API5: variants seen among roughly 807,000 people sequenced by gnomAD.
API5 encodes the protein apoptosis inhibitor 5, also known as FIF.
In API5, 6 loss-of-function variants were observed where a neutral mutation model predicts 71.9. That is an observed-to-expected ratio of 0.08 (90% CI 0.05 to 0.16). The LOEUF (loss-of-function observed/expected upper bound fraction) is 0.16. Among genes scored for constraint, API5 ranks in the 10% least tolerant of loss-of-function variants. The pLI is 1.00. For missense variants in API5, 332 were observed against 612.8 expected (o/e 0.54, Z 4.84); for synonymous variants, 189 against 221.3 (o/e 0.85, Z 1.30).
intron 1 of API5, 153 bp from the exon 2 acceptor site, chr11:43,318,487 G>T: frequency 6.5e-7 from 1 of 1,537,946 alleles, no homozygotes; most frequent in South Asian, 1.2e-5. Flanking sequence ...GGGAAGGTAA[G>T]TGTCAGTTTG....
intron 11 of API5, among the ~76,000 whole-genome samples, chr11:43,331,744 A>G (rs1855265115): frequency 6.6e-6 from 1 of 152,168 alleles, no homozygotes; most frequent in African/African-American, 2.4e-5. Flanking sequence ...CAGAAGAGAG[A>G]GGGAAGCATT....
rs1182087387 is a variant in API5, at chr11:43,342,907, A to G, written c.*397A>G. 1.0e-5 allele frequency: 5 copies of G among 479,556 alleles called. No individual in the cohort carries two copies. Among genetic ancestry groups the G allele is most frequent in the African/African-American group, 9.8e-5 (5 of 50,866 alleles). The allele number at this position is 479,556 out of a possible 1,614,324, so 29.7% of individuals were successfully genotyped here. ...TTTTCCTCTTCCCTCTTAGTTTTTT[A>G]CCCAATATATGGAGAAGAGTAATGG... is the stretch of plus-strand genomic sequence containing the variant. On this transcript the variant is annotated 3_prime_UTR_variant, in exon 14 of 14. Transcript: ENST00000531273.
chr11:43,340,477 C>T (rs923761990), intron 13 of API5, among the ~76,000 whole-genome samples: 7 of 152,018 alleles, frequency 4.6e-5, no homozygotes, highest in Non-Finnish European at 7.4e-5. Flanking sequence ...ATAGCCAAAG[C>T]AATACTGAGC....
At chr11:43,328,297 C>T (rs1000154251) in intron 8 of API5, among the ~76,000 whole-genome samples, 3 of 152,168 alleles carry the variant, frequency 2.0e-5, no homozygotes, top group African/African-American at 7.2e-5. Flanking sequence ...ACAATATGGA[C>T]TTACGTTCAG....
chr11:43,326,564 C>T lies in API5; in HGVS notation c.808C>T (p.Leu270Phe). 1 of 1,610,890 alleles carries T rather than the reference C, an allele frequency of 6.2e-7. No homozygotes were observed. Among genetic ancestry groups the T allele is most frequent in the Non-Finnish European group, 8.5e-7 (1 of 1,178,398 alleles). ...TTTCTGTGAGCAGGTTCTCCCTAAC[C>T]TCGGTACCTTGACTACCCCAGTGGA... Reference protein sequence around the residue: ...TYFCEQVLPNLGTLTTPVEGL... With the variant: ...TYFCEQVLPNFGTLTTPVEGL... Residue 270 changes from leucine to phenylalanine, a missense_variant, in exon 7 of 14, where the codon CTC (leucine) becomes TTC (phenylalanine). Transcript: ENST00000531273.
intron 13 of API5, among the ~76,000 whole-genome samples, chr11:43,336,411 A>T (rs867393339): frequency 2.0e-5 from 3 of 152,158 alleles, no homozygotes; most frequent in African/African-American, 4.8e-5. Context: ...TGCTGCCTAT[A>T]CTCCCATCTT....
chr11:43,337,390 G>A (rs544645204), intron 13 of API5, among the ~76,000 whole-genome samples: 2 of 152,224 alleles, frequency 1.3e-5, no homozygotes, highest in African/African-American at 4.8e-5. Context: ...CAAGGTGAGA[G>A]AATTGTAACA....
chr11:43,341,858 G>C (rs1380848617), intron 13 of API5, among the ~76,000 whole-genome samples: 1 of 152,058 alleles, frequency 6.6e-6, no homozygotes, highest in African/African-American at 2.4e-5. Context: ...GAAGAATTAA[G>C]TTTTTTAAAA....
chr11:43,332,109 G>A (rs756207406), intron 11 of API5: 2 of 152,220 alleles, frequency 1.3e-5, no homozygotes, highest in Non-Finnish European at 2.9e-5. Flanking sequence ...ATAGGGGAAA[G>A]AGAGATGAAT....
intron 1 of API5, among the ~76,000 whole-genome samples, chr11:43,313,202 T>C (rs1292047799): frequency 6.6e-6 from 1 of 151,914 alleles, no homozygotes; most frequent in African/African-American, 2.4e-5. Flanking sequence ...AGAGTGTGAG[T>C]GCGCAGCTCT....
chr11:43,318,481 AG>A, intron 1 of API5, 158 bp from the exon 2 acceptor site: 2 of 1,537,310 alleles, frequency 1.3e-6, no homozygotes, highest in East Asian at 2.4e-5. Context: ...GGAATTGGGA[AG>A]GTAAGTGTCA....
intron 13 of API5, among the ~76,000 whole-genome samples, chr11:43,341,969 G>A (rs899756310): frequency 1.3e-5 from 2 of 151,866 alleles, no homozygotes; most frequent in African/African-American, 2.4e-5. Flanking sequence ...GCAACAAAAT[G>A]AGGACCTGTC....
chr11:43,339,115 T>C (rs1234614673), intron 13 of API5: 2 of 152,124 alleles, frequency 1.3e-5, no homozygotes, highest in African/African-American at 4.8e-5. Context: ...TGTAAAAAAA[T>C]GTGTCATGGC....
intron 13 of API5, among the ~76,000 whole-genome samples, chr11:43,339,657 A>G (rs997127291): frequency 5.3e-5 from 8 of 152,176 alleles, no homozygotes; most frequent in Non-Finnish European, 8.8e-5. Context: ...ACATACACAC[A>G]TAGCACCTAT....
chr11:43,328,915 T>G (rs1416020439), intron 9 of API5, 22 bp downstream of exon 9: 1 of 1,612,586 alleles, frequency 6.2e-7, no homozygotes, highest in South Asian at 1.1e-5. Flanking sequence ...TTGAGGTGGC[T>G]CAATCCTTGG....
At chr11:43,331,117 C>A (rs1234974908) in intron 11 of API5, 1 of 152,652 alleles carries the variant, frequency 6.6e-6, no homozygotes, top group Non-Finnish European at 1.5e-5. Flanking sequence ...AGAGCAGTAG[C>A]CTGCCAGTAA....
Position 43,328,024 on chromosome 11 carries a change from T to C in API5, c.945+146T>C, listed in dbSNP as rs185700619. ...AGTATTGTTAGCTTCCTAGGCCACATGTTGTTGTCTACTTTGTTTTAATCT... is the reference window on the plus strand; with the variant it reads ...AGTATTGTTAGCTTCCTAGGCCACACGTTGTTGTCTACTTTGTTTTAATCT... On this transcript the variant is annotated intron_variant, in intron 8 of 13. Coordinates refer to ENST00000531273, the MANE Select transcript of API5 (RefSeq NM_001142930.2). The C allele has an allele frequency of 9.7e-5, 47 of 485,150 alleles. No individual in the cohort carries two copies. In the East Asian group the frequency reaches 1.5e-3, roughly 15 times the overall value. The allele number at this position is 485,150 out of a possible 1,614,324, so 30.1% of individuals were successfully genotyped here. A position where few individuals can be genotyped will look rare whatever the true frequency, so the allele number is the denominator to read the frequency against.
At position 43,323,653 on chromosome 11, in the gene API5, T is replaced by TAC. The variant is rs1336351810; in HGVS notation, c.750+22_750+23dup. 1 of 1,607,810 alleles carries TAC rather than the reference T, an allele frequency of 6.2e-7. No homozygotes were observed. The highest frequency in any genetic ancestry group is 8.5e-7 in the Non-Finnish European group (1 of 1,174,710). ...CTCTTCTCTGTGAGCTCTTTATTTT[T>TAC]ACACACCCGGTATTAGCTATATATA... On this transcript the variant is annotated intron_variant, in intron 6 of 13. Coordinates refer to ENST00000531273, the MANE Select transcript of API5 (RefSeq NM_001142930.2).
At chr11:43,321,301 G>A in intron 3 of API5, 110 bp from the exon 4 acceptor site, 1 of 916,750 alleles carries the variant, frequency 1.1e-6, no homozygotes, top group Non-Finnish European at 1.7e-6. Flanking sequence ...TAAGTTATAA[G>A]TTTCCTGTCA....
Sources: gnomAD v4.1 joint callset for allele counts (sites outside exome capture counted in the v4.1 genomes callset) on GRCh38, gnomAD v4.1.1 for gene constraint, MANE v1.5 for transcripts, NCBI Gene and HGNC (gene_info 2026-07-23, HGNC 2026-07-21) for gene names.